Variants in ALKBH5 observed in about 807,000 individuals in gnomAD.
ALKBH5 encodes alkB homolog 5, RNA demethylase.
A neutral mutation model predicts 32.1 loss-of-function variants in ALKBH5; 2 were observed. The observed-to-expected ratio is 0.06, with a 90% CI of 0.03 to 0.20. ALKBH5 has a LOEUF of 0.20. Among genes scored for constraint, ALKBH5 ranks in the 10% least tolerant of loss-of-function variants. The probability of loss-of-function intolerance (pLI) is 1.00; values close to 1 mark genes in which losing one functional copy is unlikely to be tolerated. For synonymous variants in ALKBH5, 300 were observed against 231.7 expected (o/e 1.29, Z -2.68); for missense variants, 352 against 559.5 (o/e 0.63, Z 3.74).
In ALKBH5 at chr17:18,184,450, C is replaced by G; in HGVS notation, c.207C>G (p.Ser69Arg). The G allele has an allele frequency of 6.2e-7, 1 of 1,609,840 alleles. No individual in the cohort carries two copies. The highest frequency in any genetic ancestry group is 8.5e-7 in the Non-Finnish European group (1 of 1,178,442). The change falls in exon 1 of 4, where the codon AGC becomes AGG. Residue 69 changes from serine (S) to arginine (R), a missense_variant. By Grantham distance (110) the Ser-to-Arg change is moderately radical. Coordinates refer to ENST00000399138, the MANE Select transcript of ALKBH5 (RefSeq NM_017758.4). ...KYQEDSDPER[S>R]DYEEQQLQKE... ...AGGAGGACTCGGACCCCGAGCGCAG[C>G]GACTATGAGGAGCAGCAGCTGCAGA...
At chr17:18,186,210 A>G (rs866393710) in intron 1 of ALKBH5, among the ~76,000 whole-genome samples, 3 of 152,232 alleles carry the variant, frequency 2.0e-5, no homozygotes, top group African/African-American at 7.2e-5. Context: ...AGCAGAAGCG[A>G]TACTTTAGCT....
chr17:18,208,107 G>A (rs2047280634), intron 3 of ALKBH5, 112 bp from the exon 4 acceptor site: 1 of 1,174,810 alleles, frequency 8.5e-7, no homozygotes, highest in African/African-American at 1.5e-5. Flanking sequence ...ACCCTTCGTT[G>A]AGGACCACTG....
intron 1 of ALKBH5, among the ~76,000 whole-genome samples, chr17:18,187,635 C>A (rs911090883): frequency 2.6e-5 from 4 of 152,180 alleles, no homozygotes; most frequent in African/African-American, 9.7e-5. Context: ...CTAATTAAAT[C>A]TTCTTGCACC....
At position 18,206,905 on chromosome 17, in the gene ALKBH5, C is replaced by G. The variant is rs756479743; in HGVS notation, c.942C>G (p.Asn314Lys). 104 of 1,614,154 alleles carry G rather than the reference C, an allele frequency of 6.4e-5. No homozygotes were observed. Among genetic ancestry groups the G allele is most frequent in the Non-Finnish European group, 8.5e-5 (100 of 1,180,056 alleles). Residue 314 changes from asparagine to lysine, a missense_variant, in exon 3 of 4, where the codon AAC becomes AAG. Asn to Lys is a moderately conservative substitution (Grantham distance 94). Coordinates refer to ENST00000399138, the MANE Select transcript of ALKBH5 (RefSeq NM_017758.4). The part of the protein sequence containing the change: ...PSYASDRLSG[N>K]NRDPALKPKR... ...ATGCTTCAGATCGCCTGTCAGGAAA[C>G]AACAGGGACCCTGCTCTGAAACCCA... is the stretch of plus-strand genomic sequence containing the variant.
At chr17:18,198,415 T>C (rs1217810841) in intron 2 of ALKBH5, among the ~76,000 whole-genome samples, 2 of 152,164 alleles carry the variant, frequency 1.3e-5, no homozygotes, top group African/African-American at 4.8e-5. Flanking sequence ...TGGGTTTGTC[T>C]TGGGAAAGGA....
At chr17:18,190,313 G>T (rs1208938197) in intron 1 of ALKBH5, among the ~76,000 whole-genome samples, 1 of 152,178 alleles carries the variant, frequency 6.6e-6, no homozygotes, top group East Asian at 1.9e-4. Flanking sequence ...ACTTTGGGAG[G>T]CCAGGGCGGG....
chr17:18,194,895 C>A, intron 1 of ALKBH5, 60 bp from the exon 2 acceptor site: 9 of 1,478,648 alleles, frequency 6.1e-6, no homozygotes, highest in Non-Finnish European at 8.5e-6. Flanking sequence ...TGTTATATCC[C>A]CCAGGAACTT....
intron 1 of ALKBH5, among the ~76,000 whole-genome samples, chr17:18,189,956 G>A (rs761496282): frequency 3.3e-5 from 5 of 152,194 alleles, no homozygotes; most frequent in Non-Finnish European, 7.3e-5. Flanking sequence ...CTTGGGTCTG[G>A]TAAATAATTG....
chr17:18,183,836 C>T lies in ALKBH5; in HGVS notation c.-408C>T. The T allele has an allele frequency of 3.2e-6, 1 of 313,128 alleles. No homozygotes were observed. Among genetic ancestry groups the T allele is most frequent in the South Asian group, 2.4e-5 (1 of 42,160 alleles). The allele number at this position is 313,128 out of a possible 1,614,324, so 19.4% of individuals were successfully genotyped here. On this transcript the variant is annotated 5_prime_UTR_variant, in exon 1 of 4. Transcript: ENST00000399138. ...CACTGCGCGTGCGCGGTGAGGAGCC[C>T]GCTAAGGAGCGGCGCTGGCGGACGT... is the stretch of plus-strand genomic sequence containing the variant.
rs1278415246 is a variant in ALKBH5, at chr17:18,209,945, T to C, written c.*1549T>C. 6.6e-6 allele frequency: 1 copy of C among 152,660 alleles called. No individual in the cohort carries two copies. The highest frequency in any genetic ancestry group is 1.5e-5 in the Non-Finnish European group (1 of 68,036). The allele number at this position is 152,660 out of a possible 1,614,324, so 9.5% of individuals were successfully genotyped here. The stretch of plus-strand genomic sequence containing the variant: ...TCTACAATAAAAACCAAATCTAATA[T>C]ATTTTGAAACAGTTGTCTGATGTTG... On this transcript the variant is annotated 3_prime_UTR_variant, in exon 4 of 4. Coordinates refer to ENST00000399138, the MANE Select transcript of ALKBH5 (RefSeq NM_017758.4).
In ALKBH5 at chr17:18,208,158, G is replaced by A. The variant is rs532390843; in HGVS notation, c.1008-61G>A. The A allele has an allele frequency of 1.3e-4, 198 of 1,534,534 alleles. 2 individuals carry two copies. The South Asian group carries it at 1.8e-3, about 14-fold the overall frequency. On this transcript the variant is annotated intron_variant, in intron 3 of 3. Coordinates refer to ENST00000399138, the MANE Select transcript of ALKBH5 (RefSeq NM_017758.4). ...TCCCAAGGATGAGACGAGGTACAGC[G>A]GTAAAGCCAGGCGCCTCCTGCCAGC...
chr17:18,184,076 T>C lies in ALKBH5; in HGVS notation c.-168T>C. 1 of 692,460 alleles carries C rather than the reference T, an allele frequency of 1.4e-6. No individual in the cohort carries two copies. Among genetic ancestry groups the C allele is most frequent in the East Asian group, 3.0e-5 (1 of 33,628 alleles). The allele number at this position is 692,460 out of a possible 1,614,324, so 42.9% of individuals were successfully genotyped here. A position where few individuals can be genotyped will look rare whatever the true frequency, so the allele number is the denominator to read the frequency against. On this transcript the variant is annotated 5_prime_UTR_variant, in exon 1 of 4. Transcript: ENST00000399138. The stretch of plus-strand genomic sequence containing the variant: ...GCATGACCCGCCGCTCCTGAGGCCC[T>C]ACCCCACGCCCGGACCCTCGACGCC...
In ALKBH5 at chr17:18,184,996, A is replaced by T; in HGVS notation, c.753A>T (p.Gly251=). 1 of 1,610,454 alleles carries T rather than the reference A, an allele frequency of 6.2e-7. No individual in the cohort carries two copies. Residue 251 remains glycine, a synonymous_variant, in exon 1 of 4, where the codon GGA becomes GGT. Transcript: ENST00000399138. ...TGCTTTCCCTGCCGGTGCGCAGGGG[A>T]AGCGTGACTGTGCTCAGGTAACCCA... The part of the protein sequence containing the change: ...EPVLSLPVRR[G]SVTVLSGYAA...
chr17:18,207,055 T>C lies in ALKBH5; in HGVS notation c.1007+85T>C, dbSNP rs975064087. On this transcript the variant is annotated intron_variant, in intron 3 of 3. Coordinates refer to ENST00000399138, the MANE Select transcript of ALKBH5 (RefSeq NM_017758.4). ...GTGGAGAAGCCTGGGGTAGGCTGTTTAGGAGCCTTGGCTTGCTCACCCTTT... is the reference window on the plus strand; with the variant it reads ...GTGGAGAAGCCTGGGGTAGGCTGTTCAGGAGCCTTGGCTTGCTCACCCTTT... 4 of 1,520,738 alleles carry C rather than the reference T, an allele frequency of 2.6e-6. No individual in the cohort carries two copies. In the African/African-American group the frequency reaches 4.2e-5, roughly 16 times the overall value. The allele number at this position is 1,520,738 out of a possible 1,614,324, so 94.2% of individuals were successfully genotyped here. A position where few individuals can be genotyped will look rare whatever the true frequency, so the allele number is the denominator to read the frequency against.
At chr17:18,186,783 A>G (rs1220767799) in intron 1 of ALKBH5, among the ~76,000 whole-genome samples, 1 of 152,116 alleles carries the variant, frequency 6.6e-6, no homozygotes, top group Non-Finnish European at 1.5e-5. Context: ...TTAGTGTGGG[A>G]GGCTCAGCCA....
In ALKBH5 at chr17:18,184,215, G is replaced by A. The variant is rs1270928395; in HGVS notation, c.-29G>A. 7 of 1,475,598 alleles carry A rather than the reference G, an allele frequency of 4.7e-6. No individual in the cohort carries two copies. The highest frequency in any genetic ancestry group is 6.2e-6 in the Non-Finnish European group (7 of 1,122,680). 91.4% of individuals were successfully genotyped at this position (1,475,598 alleles called of 1,614,324 possible). ...ATGCCCGGCTGCCCCGCCCGCCCCGGAGGACCCTAGAGCAGCGTCGTGGGG... is the reference window on the plus strand; with the variant it reads ...ATGCCCGGCTGCCCCGCCCGCCCCGAAGGACCCTAGAGCAGCGTCGTGGGG... On this transcript the variant is annotated 5_prime_UTR_variant, in exon 1 of 4. Transcript: ENST00000399138.
At chr17:18,197,234 C>G (rs1315447643) in intron 2 of ALKBH5, among the ~76,000 whole-genome samples, 2 of 152,204 alleles carry the variant, frequency 1.3e-5, no homozygotes, top group Non-Finnish European at 2.9e-5. Context: ...GGCAGCCTCT[C>G]TTTTCTAGCC....
chr17:18,202,484 G>C (rs2047247777), intron 2 of ALKBH5, among the ~76,000 whole-genome samples: 1 of 152,086 alleles, frequency 6.6e-6, no homozygotes, highest in Non-Finnish European at 1.5e-5. Flanking sequence ...TTAGACCTTA[G>C]CTCTAGGGAC....
intron 1 of ALKBH5, 84 bp from the exon 2 acceptor site, chr17:18,194,871 C>A: frequency 3.5e-6 from 4 of 1,155,824 alleles, no homozygotes; most frequent in South Asian, 1.3e-5. Context: ...AAGACCTAGG[C>A]CATGTTCCTG....
Sources: gnomAD v4.1 joint callset for allele counts (sites outside exome capture counted in the v4.1 genomes callset) on GRCh38, gnomAD v4.1.1 for gene constraint, MANE v1.5 for transcripts, NCBI Gene and HGNC (gene_info 2026-07-23, HGNC 2026-07-21) for gene names.